B4GALT6: variants seen among roughly 807,000 people sequenced by gnomAD.
B4GALT6 encodes the protein UDP-Gal:beta-GlcNAc beta-1,4-galactosyltransferase 6.
Under a neutral mutation model 46.3 loss-of-function variants are expected in B4GALT6, and 14 were observed. The ratio of observed to expected loss-of-function variants is 0.30; its 90% confidence interval spans 0.20 to 0.47. B4GALT6 has a LOEUF of 0.47. Ranked by LOEUF, B4GALT6 falls within the 20% of genes least tolerant of loss-of-function variation. The pLI is 0.99. For synonymous variants in B4GALT6, 168 were observed against 162.0 expected, an observed-to-expected ratio of 1.04 and a Z score of -0.28; for missense variants, 386 against 480.1, an observed-to-expected ratio of 0.80 and a Z score of 1.83.
chr18:31,699,665 A>G, the B4GALT6 span, among the ~76,000 whole-genome samples: 7 of 149,844 alleles, frequency 4.7e-5, no homozygotes, highest in East Asian at 1.2e-3. Flanking sequence ...AAAACCTGCT[A>G]TACGAGAACT....
chr18:31,712,889 T>G, the B4GALT6 span, among the ~76,000 whole-genome samples: 1 of 152,236 alleles, frequency 6.6e-6, no homozygotes, highest in Non-Finnish European at 1.5e-5. Context: ...TATTAGATTG[T>G]GACCCATGAG....
At chr18:31,723,776 A>G in the B4GALT6 span, among the ~76,000 whole-genome samples, 16 of 152,194 alleles carry the variant, frequency 1.1e-4, no homozygotes, top group Non-Finnish European at 2.4e-4. Context: ...TGCCACCCTA[A>G]CTGGCGCACA....
intron 5 of B4GALT6, among the ~76,000 whole-genome samples, chr18:31,632,612 T>A (rs1284113920): frequency 6.6e-6 from 1 of 152,182 alleles, no homozygotes; most frequent in Non-Finnish European, 1.5e-5. Flanking sequence ...AGTGGAGGAG[T>A]TAAACCACCA....
chr18:31,682,949 C>G (rs1203917080), intron 1 of B4GALT6, among the ~76,000 whole-genome samples: 1 of 152,146 alleles, frequency 6.6e-6, no homozygotes, highest in Non-Finnish European at 1.5e-5. Flanking sequence ...CTATAGGCTT[C>G]AAGGGGTAGG....
chr18:31,684,503 A>C lies in B4GALT6; in HGVS notation c.-77T>G, dbSNP rs1409626581. On this transcript the variant is annotated 5_prime_UTR_variant, in exon 1 of 9. It removes an upstream start codon present in the reference 5' UTR. Coordinates refer to ENST00000306851, the MANE Select transcript of B4GALT6 (RefSeq NM_004775.5). Reference sequence around the variant, plus strand: ...GCCACTGTCCAGGCCCTAAACTTCCATAAATGTGCTGAGAACCCCGAGACT... The same window carrying C: ...GCCACTGTCCAGGCCCTAAACTTCCCTAAATGTGCTGAGAACCCCGAGACT... 6.4e-7 allele frequency: 1 copy of C among 1,559,860 alleles called. No homozygotes were observed. The highest frequency in any genetic ancestry group is 8.7e-7 in the Non-Finnish European group (1 of 1,153,504).
chr18:31,692,177 C>T, the B4GALT6 span, among the ~76,000 whole-genome samples: 1 of 152,020 alleles, frequency 6.6e-6, no homozygotes, highest in Non-Finnish European at 1.5e-5. Flanking sequence ...ATTGAACTAC[C>T]GTAAACATAT....
rs201116758 is a variant in B4GALT6 at position 31,625,601 on chromosome 18, A to G, written c.*13T>C. On this transcript the variant is annotated 3_prime_UTR_variant, in exon 9 of 9. Transcript: ENST00000306851. Reference sequence around the variant, plus strand: ...CAGCATTGTGGTCTACCTTGCCACGACAGCCACTTCTTTTAATAGTCTTCG... The same window carrying G: ...CAGCATTGTGGTCTACCTTGCCACGGCAGCCACTTCTTTTAATAGTCTTCG... The G allele has an allele frequency of 1.9e-6, 3 of 1,613,532 alleles. No homozygotes were observed. The South Asian group carries it at 3.3e-5, about 18-fold the overall frequency.
At chr18:31,631,255 T>A in intron 5 of B4GALT6, 109 bp from the exon 6 acceptor site, 1 of 1,146,420 alleles carries the variant, frequency 8.7e-7, no homozygotes, top group Non-Finnish European at 1.2e-6. Context: ...GGTTTCACCA[T>A]GTTGGCCAGG....
intron 5 of B4GALT6, among the ~76,000 whole-genome samples, chr18:31,633,807 T>C (rs560865647): frequency 9.2e-4 from 140 of 152,304 alleles, no homozygotes; most frequent in Non-Finnish European, 1.7e-3. Context: ...CCAAATGCTC[T>C]GCAGAAAAGA....
At chr18:31,661,783 G>C (rs1279229009) in intron 2 of B4GALT6, among the ~76,000 whole-genome samples, 1 of 152,176 alleles carries the variant, frequency 6.6e-6, no homozygotes, top group Non-Finnish European at 1.5e-5. Context: ...GTTTGTCCCT[G>C]GGGGTCATCT....
the B4GALT6 span, among the ~76,000 whole-genome samples, chr18:31,697,229 G>A: frequency 6.6e-5 from 10 of 152,174 alleles, no homozygotes; most frequent in East Asian, 1.7e-3. Context: ...TTGTGCCCCT[G>A]CATTCCAGAC....
At chr18:31,706,635 AAAAAG>A in the B4GALT6 span, among the ~76,000 whole-genome samples, 1 of 152,308 alleles carries the variant, frequency 6.6e-6, no homozygotes, top group African/African-American at 2.4e-5. Context: ...CTCCATTTCA[AAAAAG>A]AAAAGAAAAA....
chr18:31,665,704 T>A (rs1400680533), intron 2 of B4GALT6, among the ~76,000 whole-genome samples: 1 of 152,178 alleles, frequency 6.6e-6, no homozygotes, highest in African/African-American at 2.4e-5. Flanking sequence ...ATTGCGCCAC[T>A]GCACTCCAGC....
chr18:31,682,346 T>C (rs1053872858), intron 1 of B4GALT6, among the ~76,000 whole-genome samples: 2 of 152,180 alleles, frequency 1.3e-5, no homozygotes, highest in South Asian at 2.1e-4. Flanking sequence ...CAGATTCAGC[T>C]TGACAATTTC....
At chr18:31,709,900 C>G in the B4GALT6 span, among the ~76,000 whole-genome samples, 1 of 151,686 alleles carries the variant, frequency 6.6e-6, no homozygotes, top group Non-Finnish European at 1.5e-5. Context: ...CAAGACCAGC[C>G]TGGACAACAT....
At chr18:31,698,749 C>T in the B4GALT6 span, among the ~76,000 whole-genome samples, 4 of 151,524 alleles carry the variant, frequency 2.6e-5, no homozygotes, top group African/African-American at 9.7e-5. Context: ...TAAGGGCATC[C>T]AAGCAAAAAA....
At chr18:31,661,267 T>C (rs1039683928) in intron 2 of B4GALT6, among the ~76,000 whole-genome samples, 1 of 152,194 alleles carries the variant, frequency 6.6e-6, no homozygotes, top group Non-Finnish European at 1.5e-5. Flanking sequence ...TAATACTAAA[T>C]GTCTTTCTTC....
At chr18:31,719,912 G>C in the B4GALT6 span, among the ~76,000 whole-genome samples, 3 of 152,208 alleles carry the variant, frequency 2.0e-5, no homozygotes, top group Non-Finnish European at 4.4e-5. Flanking sequence ...TTACAGTAGT[G>C]ATGTTATCTC....
In B4GALT6 at chr18:31,670,763, T is replaced by A. The variant is rs542489878; in HGVS notation, c.116-4391A>T. Among the ~76,000 whole-genome samples the A allele has an allele frequency of 1.3e-4, 20 of 152,272 alleles. 1 individual carries two copies. In the East Asian group the frequency reaches 2.5e-3, roughly 19 times the overall value. On this transcript the variant is annotated intron_variant, in intron 1 of 8. Coordinates refer to ENST00000306851, the MANE Select transcript of B4GALT6 (RefSeq NM_004775.5). ...GTAGTATAAAATGTAATGTCTTTTT[T>A]TTATTATTATACTTTAAGTTCTGGG...
Sources: allele counts gnomAD v4.1 joint callset (sites outside exome capture counted in the v4.1 genomes callset), GRCh38; gene constraint gnomAD v4.1.1; transcripts MANE v1.5; gene names NCBI Gene and HGNC (gene_info 2026-07-23, HGNC 2026-07-21).